The following MYPN variants were observed in gnomAD, a reference collection of about 807,000 sequenced individuals.
MYPN encodes the protein myopalladin.
A neutral mutation model predicts 129.4 loss-of-function variants in MYPN; 63 were observed. The ratio of observed to expected loss-of-function variants is 0.49; its 90% CI spans 0.40 to 0.60. The LOEUF (loss-of-function observed/expected upper bound fraction) is 0.60, where lower values mean the gene tolerates loss of function less well. Among genes scored for constraint, MYPN ranks in the 20% least tolerant of loss-of-function variants. MYPN has a pLI of 0.00. For missense variants in MYPN, 1,596 were observed against 1,635.4 expected, an observed-to-expected ratio of 0.98 and a Z score of 0.42; for synonymous variants, 629 against 600.9, an observed-to-expected ratio of 1.05 and a Z score of -0.68.
In MYPN at chr10:68,194,531, G is replaced by C. The variant is rs2043572389; in HGVS notation, c.3075+19G>C. The C allele has an allele frequency of 6.2e-7, 1 of 1,612,362 alleles. No homozygotes were observed. Among genetic ancestry groups the C allele is most frequent in the Non-Finnish European group, 8.5e-7 (1 of 1,179,200 alleles). On this transcript the variant is annotated intron_variant, in intron 14 of 19. Coordinates refer to ENST00000358913, the MANE Select transcript of MYPN (RefSeq NM_032578.4). ...CCCCCAGGTGGAGACGCAGGGTTCT[G>C]CGCTGTGCTGCACTCTGAGGAAGGA...
chr10:68,104,506 T>C (rs1489864670), upstream of MYPN, among the ~76,000 whole-genome samples: 1 of 152,148 alleles, frequency 6.6e-6, no homozygotes, highest in South Asian at 2.1e-4. Flanking sequence ...AAAAAATAGG[T>C]CTGTCATAGC....
chr10:68,160,422 C>A (rs2042954486), intron 7 of MYPN, among the ~76,000 whole-genome samples: 1 of 93,510 alleles, frequency 1.1e-5, no homozygotes, highest in Non-Finnish European at 2.0e-5. Flanking sequence ...AGAGTGAGAC[C>A]TTATCTCAAA....
Position 68,199,423 on chromosome 10 carries a change from T to C in MYPN, c.3341T>C (p.Leu1114Pro). 6.2e-7 allele frequency: 1 copy of C among 1,614,208 alleles called. No individual in the cohort carries two copies. Among genetic ancestry groups the C allele is most frequent in the South Asian group, 1.1e-5 (1 of 91,090 alleles). ...LTWLLNGQPV[L>P]PDASHKMLVR... ...TGGCTACTCAATGGCCAACCTGTGC[T>C]ACCAGATGCCTCCCACAAGATGCTG... is the stretch of plus-strand genomic sequence containing the variant. The change falls in exon 17 of 20, where the codon CTA becomes CCA. Residue 1114 changes from leucine to proline, a missense_variant. Physicochemically the swap from Leu to Pro is moderately conservative, Grantham distance 98 (BLOSUM62 -3). Coordinates refer to ENST00000358913, the MANE Select transcript of MYPN (RefSeq NM_032578.4).
intron 6 of MYPN, among the ~76,000 whole-genome samples, chr10:68,155,533 CTGTT>C (rs2042857568): frequency 6.6e-6 from 1 of 152,202 alleles, no homozygotes; most frequent in South Asian, 2.1e-4. Flanking sequence ...TAGTTGGAGA[CTGTT>C]TGGTCTGTCT....
At chr10:68,118,664 T>C (rs181122992) in intron 1 of MYPN, among the ~76,000 whole-genome samples, 2 of 152,154 alleles carry the variant, frequency 1.3e-5, no homozygotes, top group Admixed American at 1.3e-4. Context: ...AGAGACCTCG[T>C]TCCTACAGAA....
chr10:68,153,922 G>GTT lies in MYPN; in HGVS notation c.1317+3824_1317+3825dup, dbSNP rs758603536. Among the ~76,000 whole-genome samples, 155 of 145,096 alleles carry GTT rather than the reference G, an allele frequency of 1.1e-3. 1 individual carries two copies. Among genetic ancestry groups the GTT allele is most frequent in the African/African-American group, 3.3e-3 (131 of 39,738 alleles). ...CTTTGCCAATCGTGGCAAGAAGCCAGTTTTTTTTTTTTTTAAAGCAACGCT... is the reference window on the plus strand; with the variant it reads ...CTTTGCCAATCGTGGCAAGAAGCCAGTTTTTTTTTTTTTTTTAAAGCAACGCT... On this transcript the variant is annotated intron_variant, in intron 6 of 19. Coordinates refer to ENST00000358913, the MANE Select transcript of MYPN (RefSeq NM_032578.4).
chr10:68,175,833 C>T (rs542502107), intron 12 of MYPN, among the ~76,000 whole-genome samples: 2 of 152,326 alleles, frequency 1.3e-5, no homozygotes, highest in South Asian at 4.2e-4. Flanking sequence ...CGGTTCACTG[C>T]AACCTTGACC....
Position 68,148,443 on chromosome 10 carries a change from A to G in MYPN, c.1221A>G (p.Gln407=). ...CCCAAGCCCAGCATTTGGTGGCCCA[A>G]CCTCGTGTGGCAACCATCCAGCAGG... ...AVPQAQHLVA[Q]PRVATIQQCQ... is the part of the protein sequence containing the mutation. Residue 407 remains glutamine (Q), a synonymous_variant, in exon 5 of 20, where the codon CAA becomes CAG. Transcript: ENST00000358913. 6.2e-7 allele frequency: 1 copy of G among 1,614,062 alleles called. No homozygotes were observed. Among genetic ancestry groups the G allele is most frequent in the Non-Finnish European group, 8.5e-7 (1 of 1,179,974 alleles).
chr10:68,161,972 G>A, intron 8 of MYPN: 1 of 410,672 alleles, frequency 2.4e-6, no homozygotes, highest in South Asian at 3.6e-5. Context: ...AGACCAGCCT[G>A]GCCTACATGA....
chr10:68,149,336 A>G (rs927979593), intron 5 of MYPN, among the ~76,000 whole-genome samples: 12 of 152,248 alleles, frequency 7.9e-5, no homozygotes, highest in Non-Finnish European at 1.6e-4. Flanking sequence ...AGTTCCAGGC[A>G]TTGTCTATGC....
At chr10:68,203,563 T>A (rs770284019) in intron 18 of MYPN, among the ~76,000 whole-genome samples, 21 of 151,966 alleles carry the variant, frequency 1.4e-4, no homozygotes, top group Non-Finnish European at 2.4e-4. Flanking sequence ...TACTCCAGCC[T>A]GGGGACAAGC....
At chr10:68,160,875 C>T (rs2042964394) in intron 7 of MYPN, among the ~76,000 whole-genome samples, 1 of 152,148 alleles carries the variant, frequency 6.6e-6, no homozygotes, top group Non-Finnish European at 1.5e-5. Context: ...CAAGATCTTG[C>T]CACTGTACTC....
upstream of MYPN, among the ~76,000 whole-genome samples, chr10:68,103,923 C>T (rs1050821961): frequency 7.9e-5 from 12 of 152,184 alleles, no homozygotes; most frequent in Non-Finnish European, 1.3e-4. Flanking sequence ...GCACTCCAGC[C>T]TAAGCAACAA....
At chr10:68,131,251 T>A (rs2042406230) in intron 2 of MYPN, among the ~76,000 whole-genome samples, 1 of 151,972 alleles carries the variant, frequency 6.6e-6, no homozygotes, top group Admixed American at 6.6e-5. Context: ...TAGCAGAGCA[T>A]AGTGGCGGGC....
chr10:68,183,553 G>T (rs1033143644), intron 12 of MYPN, among the ~76,000 whole-genome samples: 1 of 152,192 alleles, frequency 6.6e-6, no homozygotes, highest in Non-Finnish European at 1.5e-5. Context: ...AGTGTAGTTA[G>T]CCAAGAACTT....
rs765420721 is a variant in MYPN at position 68,175,493 on chromosome 10, A to T, written c.2703+32A>T. 2.5e-6 allele frequency: 4 copies of T among 1,612,018 alleles called. No homozygotes were observed. In the South Asian group the frequency reaches 4.4e-5, roughly 18 times the overall value. ...TTGTTGGATTTAGAAGGTTTATTGA[A>T]ATTTTATTGTAAGGAATTTAATTTT... On this transcript the variant is annotated intron_variant, in intron 12 of 19. Coordinates refer to ENST00000358913, the MANE Select transcript of MYPN (RefSeq NM_032578.4).
At chr10:68,137,182 GA>G (rs2042500550) in intron 2 of MYPN, among the ~76,000 whole-genome samples, 1 of 152,158 alleles carries the variant, frequency 6.6e-6, no homozygotes, top group Admixed American at 6.5e-5. Context: ...CATTTAGTGA[GA>G]AGAGTAGCAT....
Position 68,211,699 on chromosome 10 carries a change from A to G in MYPN, c.*1244A>G, listed in dbSNP as rs1297390265. 2.2e-6 allele frequency: 1 copy of G among 454,122 alleles called. No individual in the cohort carries two copies. The highest frequency in any genetic ancestry group is 2.3e-5 in the Admixed American group (1 of 42,562). 28.1% of individuals were successfully genotyped at this position (454,122 alleles called of 1,614,324 possible). On this transcript the variant is annotated 3_prime_UTR_variant, in exon 20 of 20. Coordinates refer to ENST00000358913, the MANE Select transcript of MYPN (RefSeq NM_032578.4). Reference sequence around the variant, plus strand: ...CATTCAATAAATATTTGCTGGTTGAATGAATCTTCTGTTATTATGTCTATT... The same window carrying G: ...CATTCAATAAATATTTGCTGGTTGAGTGAATCTTCTGTTATTATGTCTATT...
chr10:68,121,861 T>C lies in MYPN; in HGVS notation c.423T>C (p.Cys141=). Residue 141 remains cysteine, a synonymous_variant, in exon 2 of 20, where the codon TGT becomes TGC. Transcript: ENST00000358913. ...SPQEAKRPQY[C]SETQSKKVFL... ...AGGAGGCAAAAAGGCCACAGTATTGTTCTGAAACCCAGTCCAAAAAAGTAT... is the reference window on the plus strand; with the variant it reads ...AGGAGGCAAAAAGGCCACAGTATTGCTCTGAAACCCAGTCCAAAAAAGTAT... 6.2e-7 allele frequency: 1 copy of C among 1,614,202 alleles called. No individual in the cohort carries two copies. Among genetic ancestry groups the C allele is most frequent in the Non-Finnish European group, 8.5e-7 (1 of 1,180,028 alleles).
Sources: gnomAD v4.1 joint callset for allele counts (sites outside exome capture counted in the v4.1 genomes callset) on GRCh38, gnomAD v4.1.1 for gene constraint, MANE v1.5 for transcripts, NCBI Gene and HGNC (gene_info 2026-07-23, HGNC 2026-07-21) for gene names.